The following MKX variants were observed in gnomAD, a reference collection of about 807,000 sequenced individuals.
MKX encodes the protein homeobox protein Mohawk.
In MKX, 13 loss-of-function variants were observed where a neutral mutation model predicts 36.0. The ratio of observed to expected loss-of-function variants is 0.36; its 90% CI spans 0.24 to 0.57. The LOEUF (loss-of-function observed/expected upper bound fraction) is 0.57. Ranked by LOEUF, MKX falls within the 20% of genes least tolerant of loss-of-function variation. The pLI, the probability that MKX is intolerant of heterozygous loss-of-function variation, is 0.79. For missense variants in MKX, 458 were observed against 456.4 expected, an observed-to-expected ratio of 1.00 and a Z score of -0.03; for synonymous variants, 176 against 178.3, an observed-to-expected ratio of 0.99 and a Z score of 0.10.
At chr10:27,726,054 G>T (rs1385714521) in intron 5 of MKX, among the ~76,000 whole-genome samples, 1 of 152,126 alleles carries the variant, frequency 6.6e-6, no homozygotes, top group East Asian at 1.9e-4. Context: ...GCTGCCCCGG[G>T]ATGTGACTGA....
chr10:27,742,522 C>A lies in MKX; in HGVS notation c.188+706G>T, dbSNP rs1834926206. Among the ~76,000 whole-genome samples the A allele has an allele frequency of 6.6e-6, 1 of 152,086 alleles. No individual in the cohort carries two copies. Among genetic ancestry groups the A allele is most frequent in the Non-Finnish European group, 1.5e-5 (1 of 67,954 alleles). ...AGGCGGCTAGGACGGCCGCCCCTCCCCGGCGGGGCGCCCGGGGAGCCGCCG... is the reference window on the plus strand; with the variant it reads ...AGGCGGCTAGGACGGCCGCCCCTCCACGGCGGGGCGCCCGGGGAGCCGCCG... On this transcript the variant is annotated intron_variant, in intron 2 of 6. Coordinates refer to ENST00000419761, the MANE Select transcript of MKX (RefSeq NM_173576.3). The surrounding 1 kb of genome is among the most constrained non-coding windows in gnomAD (Gnocchi z 4.2).
chr10:27,695,333 T>A (rs962560750), intron 5 of MKX, among the ~76,000 whole-genome samples: 3 of 151,726 alleles, frequency 2.0e-5, no homozygotes, highest in Non-Finnish European at 4.4e-5. Flanking sequence ...CACGAAGAAG[T>A]GAGCCACTGT....
chr10:27,703,117 G>A (rs150224648), intron 5 of MKX, among the ~76,000 whole-genome samples: 92 of 152,238 alleles, frequency 6.0e-4, no homozygotes, highest in African/African-American at 2.1e-3. Flanking sequence ...ACAAAAAGGC[G>A]CAGGACCACA....
intron 5 of MKX, among the ~76,000 whole-genome samples, chr10:27,723,615 G>A (rs1834425766): frequency 6.6e-6 from 1 of 152,162 alleles, no homozygotes; most frequent in Non-Finnish European, 1.5e-5. Context: ...TTCTGGCTAG[G>A]AATTTTATGT....
intron 5 of MKX, among the ~76,000 whole-genome samples, chr10:27,692,881 A>G (rs1258594317): frequency 1.3e-5 from 2 of 152,182 alleles, no homozygotes; most frequent in Non-Finnish European, 2.9e-5. Flanking sequence ...CTGGAGCTAC[A>G]TGGTCTCTAA....
intron 5 of MKX, among the ~76,000 whole-genome samples, chr10:27,710,948 TG>T (rs1159338419): frequency 4.6e-5 from 7 of 152,344 alleles, no homozygotes; most frequent in Admixed American, 4.6e-4. Flanking sequence ...CGTAAGCCAC[TG>T]TGCTCAGCCA....
intron 5 of MKX, among the ~76,000 whole-genome samples, chr10:27,687,011 T>TC (rs11432574): frequency 4.0e-5 from 1 of 25,258 alleles, no homozygotes; most frequent in African/African-American, 5.5e-5. Flanking sequence ...ACCTCTCTCT[T>TC]TTTTTTTTTT....
At chr10:27,693,899 G>T (rs1435243778) in intron 5 of MKX, among the ~76,000 whole-genome samples, 2 of 152,160 alleles carry the variant, frequency 1.3e-5, no homozygotes, top group African/African-American at 4.8e-5. Flanking sequence ...GAGGGACCTG[G>T]TGGGAGGTAA....
chr10:27,692,087 T>G (rs1416719724), intron 5 of MKX, among the ~76,000 whole-genome samples: 2 of 152,224 alleles, frequency 1.3e-5, no homozygotes, highest in Non-Finnish European at 1.5e-5. Flanking sequence ...GATTGCTGTG[T>G]TGAATGGTAA....
chr10:27,718,569 T>C (rs1589682017), intron 5 of MKX: 3 of 444,886 alleles, frequency 6.7e-6, no homozygotes, highest in Non-Finnish European at 9.0e-6. Context: ...ATCCCAGGAG[T>C]CCTCACTCAA....
Position 27,675,288 on chromosome 10 carries a change from T to A in MKX, c.1000A>T (p.Lys334Ter), listed in dbSNP as rs1433194955. Residue 334 changes from lysine to a stop codon, truncating the protein, a stop_gained, in exon 7 of 7, where the codon AAG becomes TAG. Coordinates refer to ENST00000419761, the MANE Select transcript of MKX (RefSeq NM_173576.3). LOFTEE classifies it high-confidence loss of function. Reference sequence around the variant, plus strand: ...TTTACTTCTGCTATATGGGACGACTTCTGGATGATGCAGCTGGTAGTTCCC... The same window carrying A: ...TTTACTTCTGCTATATGGGACGACTACTGGATGATGCAGCTGGTAGTTCCC... ...LQGTTSCIIQ[K>*]SSHIAEVKTV... The A allele has an allele frequency of 6.2e-7, 1 of 1,614,174 alleles. No individual in the cohort carries two copies. The highest frequency in any genetic ancestry group is 1.1e-5 in the South Asian group (1 of 91,076).
At chr10:27,688,828 C>T (rs1342245087) in intron 5 of MKX, among the ~76,000 whole-genome samples, 2 of 152,186 alleles carry the variant, frequency 1.3e-5, no homozygotes, top group East Asian at 1.9e-4. Context: ...TCCCAAGATT[C>T]ACTTTATAGT....
chr10:27,686,025 C>T (rs534379917), intron 5 of MKX, among the ~76,000 whole-genome samples: 1 of 152,166 alleles, frequency 6.6e-6, no homozygotes, highest in Non-Finnish European at 1.5e-5. Context: ...ACCAGTCCCA[C>T]TGACCAAAGT....
At chr10:27,681,892 A>C (rs1376004177) in intron 5 of MKX, among the ~76,000 whole-genome samples, 2 of 152,076 alleles carry the variant, frequency 1.3e-5, no homozygotes, top group Non-Finnish European at 2.9e-5. Flanking sequence ...ATTGCACTCC[A>C]GCCTGGGTGA....
At chr10:27,700,922 A>T (rs577890098) in intron 5 of MKX, among the ~76,000 whole-genome samples, 1 of 152,182 alleles carries the variant, frequency 6.6e-6, no homozygotes, top group Non-Finnish European at 1.5e-5. Flanking sequence ...CTGTTCTGTA[A>T]TTTTTTTAAA....
Position 27,742,885 on chromosome 10 carries a change from T to C in MKX, c.188+343A>G, listed in dbSNP as rs1454937935. Among the ~76,000 whole-genome samples the C allele has an allele frequency of 6.6e-6, 1 of 152,034 alleles. No individual in the cohort carries two copies. The highest frequency in any genetic ancestry group is 1.5e-5 in the Non-Finnish European group (1 of 67,982). ...GTTTCTCTGCACCGAGCTCAGTCCT[T>C]TTTCCTCGCCCTCAGCCGCGCACCG... is the stretch of plus-strand genomic sequence containing the variant. On this transcript the variant is annotated intron_variant, in intron 2 of 6. Transcript: ENST00000419761. The surrounding 1 kb of genome is among the most constrained non-coding windows in gnomAD (Gnocchi z 4.2).
intron 5 of MKX, among the ~76,000 whole-genome samples, chr10:27,694,527 A>AAAAAATATAT (rs547670335): frequency 1.5e-3 from 172 of 114,332 alleles, no homozygotes; most frequent in South Asian, 5.0e-3. Context: ...AAAAAAAAAA[A>AAAAAATATAT]ATATATATAT....
At chr10:27,691,287 T>C (rs1250092198) in intron 5 of MKX, among the ~76,000 whole-genome samples, 2 of 152,174 alleles carry the variant, frequency 1.3e-5, no homozygotes, top group Admixed American at 6.5e-5. Context: ...GTAATAGCTA[T>C]GGCACTTGAA....
At chr10:27,722,577 C>G (rs1282156646) in intron 5 of MKX, among the ~76,000 whole-genome samples, 1 of 152,206 alleles carries the variant, frequency 6.6e-6, no homozygotes, top group Non-Finnish European at 1.5e-5. Context: ...ATACACAGAG[C>G]TGCTGATTTC....
Sources: gnomAD v4.1 joint callset for allele counts (sites outside exome capture counted in the v4.1 genomes callset) on GRCh38, gnomAD v4.1.1 for gene constraint, Gnocchi (gnomAD v3.1) non-coding constraint, MANE v1.5 for transcripts, NCBI Gene and HGNC (gene_info 2026-07-23, HGNC 2026-07-21) for gene names.